RBM12B: variants seen among roughly 807,000 people sequenced by gnomAD.
The protein encoded by RBM12B is RNA binding motif protein 12B.
A neutral mutation model predicts 34.3 loss-of-function variants in RBM12B; 10 were observed. The observed-to-expected ratio is 0.29, with a 90% CI of 0.18 to 0.49. The LOEUF (loss-of-function observed/expected upper bound fraction) is 0.49, where lower values mean the gene tolerates loss of function less well. Ranked by LOEUF, RBM12B falls within the 20% of genes least tolerant of loss-of-function variation. The pLI, the probability that RBM12B is intolerant of heterozygous loss-of-function variation, is 0.99. For synonymous variants in RBM12B, 477 were observed against 437.1 expected (o/e 1.09, Z -1.14); for missense variants, 1,139 against 1,262.7 (o/e 0.90, Z 1.48).
chr8:93,731,563 CAAATTT>C lies in RBM12B; in HGVS notation c.*1836_*1841del, dbSNP rs1811793568. ...CAAGCAGGATATTCACTATTTAAAA[CAAATTT>C]AAGCAGATTTCTGTTAGATTTCTTT... On this transcript the variant is annotated 3_prime_UTR_variant, in exon 4 of 4. Coordinates refer to ENST00000520560, the MANE Select transcript of RBM12B (RefSeq NM_001377960.1). The C allele has an allele frequency of 6.6e-6, 1 of 152,056 alleles. No individual in the cohort carries two copies. The highest frequency in any genetic ancestry group is 1.5e-5 in the Non-Finnish European group (1 of 67,988). The allele number at this position is 152,056 out of a possible 1,614,324, so 9.4% of individuals were successfully genotyped here. A position where few individuals can be genotyped will look rare whatever the true frequency, so the allele number is the denominator to read the frequency against.
chr8:93,739,346 C>G lies in RBM12B; in HGVS notation c.-78+1283G>C, dbSNP rs546930295. Among the ~76,000 whole-genome samples, 14 of 152,312 alleles carry G rather than the reference C, an allele frequency of 9.2e-5. No homozygotes were observed. The South Asian group carries it at 2.9e-3, about 32-fold the overall frequency. On this transcript the variant is annotated intron_variant, in intron 2 of 3. Transcript: ENST00000520560. The stretch of plus-strand genomic sequence containing the variant: ...TTATCCTACCTCACTTAAAAACTAT[C>G]TTTTAACCAAGTAGTTTCATGAGCA...
At position 93,729,222 on chromosome 8, in the gene RBM12B, A is replaced by G. The variant is rs992016376; in HGVS notation, c.*4183T>C. On this transcript the variant is annotated 3_prime_UTR_variant, in exon 4 of 4. Coordinates refer to ENST00000520560, the MANE Select transcript of RBM12B (RefSeq NM_001377960.1). ...ATTAGAAAATGCAATTATTCATAAC[A>G]GAAAAATAAAGACTTTCTAGAAAGC... is the stretch of plus-strand genomic sequence containing the variant. 2 of 152,186 alleles carry G rather than the reference A, an allele frequency of 1.3e-5. No homozygotes were observed. Among genetic ancestry groups the G allele is most frequent in the African/African-American group, 4.8e-5 (2 of 41,474 alleles). The allele number at this position is 152,186 out of a possible 1,614,324, so 9.4% of individuals were successfully genotyped here.
Position 93,740,626 on chromosome 8 carries a change from T to A in RBM12B, c.-78+3A>T. The A allele has an allele frequency of 2.6e-6, 1 of 383,990 alleles. No individual in the cohort carries two copies. Among genetic ancestry groups the A allele is most frequent in the Non-Finnish European group, 5.2e-6 (1 of 190,518 alleles). 23.8% of individuals were successfully genotyped at this position (383,990 alleles called of 1,614,324 possible). A position where few individuals can be genotyped will look rare whatever the true frequency, so the allele number is the denominator to read the frequency against. ...CGATGACATAGCAAAGAAAAAAATA[T>A]ACCTATGAAATCCTTCGAGATCTTC... is the stretch of plus-strand genomic sequence containing the variant. On this transcript the variant is annotated splice_donor_region_variant and intron_variant, in intron 2 of 3. Coordinates refer to ENST00000520560, the MANE Select transcript of RBM12B (RefSeq NM_001377960.1).
At chr8:93,739,482 A>G (rs536496850) in intron 2 of RBM12B, among the ~76,000 whole-genome samples, 2 of 152,328 alleles carry the variant, frequency 1.3e-5, no homozygotes, top group Admixed American at 1.3e-4. Context: ...CAGTAGGGTA[A>G]TGTACCATTT....
Position 93,735,167 on chromosome 8 carries a change from T to G in RBM12B, c.1244A>C (p.Glu415Ala). The change falls in exon 4 of 4, where the codon GAA becomes GCA. Residue 415 changes from glutamate (E) to alanine (A), a missense_variant. Physicochemically the swap from Glu to Ala is moderately radical, Grantham distance 107 (BLOSUM62 -1). Coordinates refer to ENST00000520560, the MANE Select transcript of RBM12B (RefSeq NM_001377960.1). Reference sequence around the variant, plus strand: ...AAAGTCTGCAAAGAACTTCTGCACTTCAACTTTTGTAACATCAAATGGAAA... The same window carrying G: ...AAAGTCTGCAAAGAACTTCTGCACTGCAACTTTTGTAACATCAAATGGAAA... ...RNFPFDVTKV[E>A]VQKFFADFLL... 6.2e-7 allele frequency: 1 copy of G among 1,614,142 alleles called. No homozygotes were observed. Among genetic ancestry groups the G allele is most frequent in the Admixed American group, 1.7e-5 (1 of 60,028 alleles).
rs929686438 is a variant in RBM12B, at chr8:93,731,670, T to C, written c.*1735A>G. The C allele has an allele frequency of 1.4e-4, 21 of 152,256 alleles. No individual in the cohort carries two copies. Among genetic ancestry groups the C allele is most frequent in the Non-Finnish European group, 2.8e-4 (19 of 68,032 alleles). 9.4% of individuals were successfully genotyped at this position (152,256 alleles called of 1,614,324 possible). A position where few individuals can be genotyped will look rare whatever the true frequency, so the allele number is the denominator to read the frequency against. ...GACAAAGTATTCTACCTATGCAATA[T>C]CCTATTAAATGTCTAAATTACCATA... On this transcript the variant is annotated 3_prime_UTR_variant, in exon 4 of 4. Coordinates refer to ENST00000520560, the MANE Select transcript of RBM12B (RefSeq NM_001377960.1).
rs570533170 is a variant in RBM12B at position 93,734,266 on chromosome 8, G to C, written c.2145C>G (p.Phe715Leu). 6.2e-7 allele frequency: 1 copy of C among 1,613,638 alleles called. No homozygotes were observed. Among genetic ancestry groups the C allele is most frequent in the Admixed American group, 1.7e-5 (1 of 59,964 alleles). The change falls in exon 4 of 4, where the codon TTC (phenylalanine) becomes TTG (leucine). Residue 715 changes from phenylalanine to leucine, a missense_variant. This residue lies in a region of RBM12B where 863 missense variants were observed against 869.5 expected (regional missense o/e 0.99). Coordinates refer to ENST00000520560, the MANE Select transcript of RBM12B (RefSeq NM_001377960.1). ...GGAAATGCTCCTGGGGTGACTGCCT[G>C]AAGTCCTCCTCAGGGGAATGCCTGA... ...EDFRHSPEEDFRQSPQEHFRR... is the reference protein window; with the variant it reads ...EDFRHSPEEDLRQSPQEHFRR...
chr8:93,733,770 T>G lies in RBM12B; in HGVS notation c.2641A>C (p.Ser881Arg), dbSNP rs770401634. 2 of 1,614,054 alleles carry G rather than the reference T, an allele frequency of 1.2e-6. No individual in the cohort carries two copies. The highest frequency in any genetic ancestry group is 4.5e-5 in the East Asian group (2 of 44,890). Residue 881 changes from serine to arginine, a missense_variant, in exon 4 of 4, where the codon AGT (serine) becomes CGT (arginine). Ser to Arg is a moderately radical substitution (Grantham distance 110). This residue lies in a region of RBM12B where 863 missense variants were observed against 869.5 expected (regional missense o/e 0.99). Transcript: ENST00000520560. ...CCAAAATTCACAAAAGGGCGGTGACTTCTAAAATCATCAGGCGGGCTCCTA... is the reference window on the plus strand; with the variant it reads ...CCAAAATTCACAAAAGGGCGGTGACGTCTAAAATCATCAGGCGGGCTCCTA... Reference protein sequence around the residue: ...DFRSPPDDFRSHRPFVNFGRP... With the variant: ...DFRSPPDDFRRHRPFVNFGRP...
chr8:93,735,671 A>T lies in RBM12B; in HGVS notation c.740T>A (p.Leu247His), dbSNP rs1468445060. The T allele has an allele frequency of 6.2e-7, 1 of 1,614,010 alleles. No individual in the cohort carries two copies. Among genetic ancestry groups the T allele is most frequent in the African/African-American group, 1.3e-5 (1 of 74,908 alleles). Residue 247 changes from leucine (L) to histidine (H), a missense_variant, in exon 4 of 4, where the codon CTT (leucine) becomes CAT (histidine). Transcript: ENST00000520560. ...TGGAGAATGTTCTTCAGATCTCCTA[A>T]GAACGTCACCCTCCTTAACTGCATT... The part of the protein sequence containing the change: ...GGNAVKEGDV[L>H]RRSEEHSPPR...
In RBM12B at chr8:93,735,654, G is replaced by C; in HGVS notation, c.757C>G (p.His253Asp). The change falls in exon 4 of 4, where the codon CAT (histidine) becomes GAT (aspartate). Residue 253 changes from histidine (H) to aspartate (D), a missense_variant. By Grantham distance (81) the His-to-Asp change is moderately conservative. Transcript: ENST00000520560. ...TCATTAATTCCTCTTGGTGGAGAAT[G>C]TTCTTCAGATCTCCTAAGAACGTCA... is the stretch of plus-strand genomic sequence containing the variant. ...EGDVLRRSEE[H>D]SPPRGINDRH... 6.2e-7 allele frequency: 1 copy of C among 1,614,064 alleles called. No homozygotes were observed. Among genetic ancestry groups the C allele is most frequent in the South Asian group, 1.1e-5 (1 of 91,082 alleles).
At position 93,734,618 on chromosome 8, in the gene RBM12B, G is replaced by C; in HGVS notation, c.1793C>G (p.Pro598Arg). 1 of 1,613,320 alleles carries C rather than the reference G, an allele frequency of 6.2e-7. No individual in the cohort carries two copies. Residue 598 changes from proline (P) to arginine (R), a missense_variant, in exon 4 of 4, where the codon CCT (proline) becomes CGT (arginine). Transcript: ENST00000520560. ...AGGGCGCCTGAAATCTTCCTCCCAA[G>C]GGCGCCTGAAGTCCTCCTCAGAAGG... is the stretch of plus-strand genomic sequence containing the variant. ...RRPSEEDFRR[P>R]WEEDFRRPPE...
chr8:93,734,608 T>C lies in RBM12B; in HGVS notation c.1803A>G (p.Glu601=), dbSNP rs764053671. 5.0e-6 allele frequency: 8 copies of C among 1,591,878 alleles called. No homozygotes were observed. In the Admixed American group the frequency reaches 1.0e-4, roughly 21 times the overall value. ...SEEDFRRPWE[E]DFRRPPEDDF... ...CATCCTCCGGAGGGCGCCTGAAATC[T>C]TCCTCCCAAGGGCGCCTGAAGTCCT... Residue 601 remains glutamate, a synonymous_variant, in exon 4 of 4, where the codon GAA becomes GAG. Coordinates refer to ENST00000520560, the MANE Select transcript of RBM12B (RefSeq NM_001377960.1).
rs1187303745 is a variant in RBM12B, at chr8:93,733,817, A to T, written c.2594T>A (p.Phe865Tyr). ...PEEDPRLPDNFRPPGEDFRSP... is the reference protein window; with the variant it reads ...PEEDPRLPDNYRPPGEDFRSP... ...CCTAAAATCCTCACCAGGAGGTCTAAAATTGTCAGGAAGTCTAGGGTCCTC... is the reference window on the plus strand; with the variant it reads ...CCTAAAATCCTCACCAGGAGGTCTATAATTGTCAGGAAGTCTAGGGTCCTC... Residue 865 changes from phenylalanine (F) to tyrosine (Y), a missense_variant, in exon 4 of 4, where the codon TTT becomes TAT. By Grantham distance (22) the Phe-to-Tyr change is conservative. Transcript: ENST00000520560. The T allele has an allele frequency of 6.2e-7, 1 of 1,614,008 alleles. No homozygotes were observed. The highest frequency in any genetic ancestry group is 1.3e-5 in the African/African-American group (1 of 74,900).
intron 3 of RBM12B, 45 bp from the exon 4 acceptor site, chr8:93,736,483 G>A: frequency 6.9e-7 from 1 of 1,448,804 alleles, no homozygotes; most frequent in Non-Finnish European, 9.1e-7. Flanking sequence ...TATTTTTGAA[G>A]TACCTTAGCC....
chr8:93,728,813 GATA>G lies in RBM12B; in HGVS notation c.*4589_*4591del, dbSNP rs995870042. The stretch of plus-strand genomic sequence containing the variant: ...AAGAAGAGTATAACCAAAGAGTAAA[GATA>G]ATGTGACACTAAGTTATCAATGTTT... On this transcript the variant is annotated 3_prime_UTR_variant, in exon 4 of 4. Coordinates refer to ENST00000520560, the MANE Select transcript of RBM12B (RefSeq NM_001377960.1). 6.6e-6 allele frequency: 1 copy of G among 151,998 alleles called. No homozygotes were observed. Among genetic ancestry groups the G allele is most frequent in the African/African-American group, 2.4e-5 (1 of 41,406 alleles). 9.4% of individuals were successfully genotyped at this position (151,998 alleles called of 1,614,324 possible). A position where few individuals can be genotyped will look rare whatever the true frequency, so the allele number is the denominator to read the frequency against.
intron 3 of RBM12B, 64 bp from the exon 4 acceptor site, chr8:93,736,502 G>A (rs1812027238): frequency 7.9e-7 from 1 of 1,268,352 alleles, no homozygotes; most frequent in Non-Finnish European, 1.0e-6. Flanking sequence ...CCCAAACTAA[G>A]CTTAATAATT....
Position 93,729,217 on chromosome 8 carries a change from A to G in RBM12B, c.*4188T>C, listed in dbSNP as rs1219451980. 7 of 152,156 alleles carry G rather than the reference A, an allele frequency of 4.6e-5. No individual in the cohort carries two copies. Among genetic ancestry groups the G allele is most frequent in the Non-Finnish European group, 8.8e-5 (6 of 67,976 alleles). The allele number at this position is 152,156 out of a possible 1,614,324, so 9.4% of individuals were successfully genotyped here. A position where few individuals can be genotyped will look rare whatever the true frequency, so the allele number is the denominator to read the frequency against. ...GGATAATTAGAAAATGCAATTATTC[A>G]TAACAGAAAAATAAAGACTTTCTAG... On this transcript the variant is annotated 3_prime_UTR_variant, in exon 4 of 4. Coordinates refer to ENST00000520560, the MANE Select transcript of RBM12B (RefSeq NM_001377960.1).
intron 2 of RBM12B, among the ~76,000 whole-genome samples, chr8:93,738,690 T>C (rs1812099273): frequency 1.3e-5 from 2 of 152,134 alleles, no homozygotes; most frequent in African/African-American, 4.8e-5. Flanking sequence ...AGGGAACTCA[T>C]GGGCTCAAGC....
rs1563657937 is a variant in RBM12B, at chr8:93,732,579, CT to C, written c.*825del. 6.6e-6 allele frequency: 1 copy of C among 152,152 alleles called. No individual in the cohort carries two copies. Among genetic ancestry groups the C allele is most frequent in the East Asian group, 1.9e-4 (1 of 5,200 alleles). 9.4% of individuals were successfully genotyped at this position (152,152 alleles called of 1,614,324 possible). On this transcript the variant is annotated 3_prime_UTR_variant, in exon 4 of 4. Transcript: ENST00000520560. ...TATAATTAGATTCTTATTTTACTAT[CT>C]TTTGCGTATCTTGTATTAATTTTAC...
Sources: allele counts gnomAD v4.1 joint callset (sites outside exome capture counted in the v4.1 genomes callset), GRCh38; gene constraint gnomAD v4.1.1; regional missense constraint gnomAD v4.1.1; transcripts MANE v1.5; gene names NCBI Gene and HGNC (gene_info 2026-07-23, HGNC 2026-07-21).